The following FAM107A variants were observed in gnomAD, a reference collection of about 807,000 sequenced individuals.
FAM107A encodes actin-associated protein FAM107A.
In FAM107A, 19 loss-of-function variants were observed where a neutral mutation model predicts 13.7. The ratio of observed to expected loss-of-function variants is 1.38; its 90% CI spans 0.97 to 2.03. FAM107A has a LOEUF of 2.03. Among genes scored for constraint, FAM107A ranks in the 30% most tolerant of loss-of-function variants. The pLI, the probability that FAM107A is intolerant of heterozygous loss-of-function variation, is 0.00. For synonymous variants in FAM107A, 82 were observed against 74.5 expected, an observed-to-expected ratio of 1.10 and a Z score of -0.52; for missense variants, 203 against 184.4, an observed-to-expected ratio of 1.10 and a Z score of -0.58.
chr3:58,572,843 C>G (rs1271458345), intron 1 of FAM107A: 1 of 152,218 alleles, frequency 6.6e-6, no homozygotes, highest in African/African-American at 2.4e-5. Context: ...GACGGTCGGA[C>G]TCAGTCACAC....
intron 1 of FAM107A, among the ~76,000 whole-genome samples, chr3:58,583,983 C>G (rs77858808): frequency 6.6e-6 from 1 of 152,294 alleles, no homozygotes; most frequent in East Asian, 1.9e-4. Flanking sequence ...TGAAAAGAGC[C>G]TCTATTTTGG....
chr3:58,577,570 G>A (rs1418783581), upstream of FAM107A: 7 of 985,420 alleles, frequency 7.1e-6, no homozygotes, highest in Non-Finnish European at 8.4e-6. The surrounding 1 kb of genome is among the most constrained non-coding windows in gnomAD (Gnocchi z 4.9). Flanking sequence ...GGAACATCAT[G>A]TCCAAGCCAC....
chr3:58,591,571 C>T (rs2065654743), upstream of FAM107A, among the ~76,000 whole-genome samples: 1 of 152,148 alleles, frequency 6.6e-6, no homozygotes, highest in Admixed American at 6.5e-5. The surrounding 1 kb of genome is among the most constrained non-coding windows in gnomAD (Gnocchi z 4.3). Flanking sequence ...CTCTCAGCTG[C>T]CAGCTTCTGC....
Position 58,613,572 on chromosome 3 carries a change from T to C in FAM107A, c.-70+13844A>G, listed in dbSNP as rs1470644021. Among the ~76,000 whole-genome samples, 4 of 152,226 alleles carry C rather than the reference T, an allele frequency of 2.6e-5. No individual in the cohort carries two copies. Among genetic ancestry groups the C allele is most frequent in the Non-Finnish European group, 5.9e-5 (4 of 68,034 alleles). On this transcript the variant is annotated intron_variant, in intron 1 of 3. Transcript: ENST00000465970. This position sits in a 1 kb window ranked among gnomAD's most constrained non-coding sequence, Gnocchi z 4.6. ...AGCAAGGCCTCTCTCCTCTGGCCTTTGTGTAAGCAGATCTTTCTACCTAGA... is the reference window on the plus strand; with the variant it reads ...AGCAAGGCCTCTCTCCTCTGGCCTTCGTGTAAGCAGATCTTTCTACCTAGA...
chr3:58,568,575 TG>T (rs1229021765), intron 2 of FAM107A, among the ~76,000 whole-genome samples: 1 of 152,228 alleles, frequency 6.6e-6, no homozygotes, highest in Admixed American at 6.5e-5. Flanking sequence ...ATTGTGGTGA[TG>T]TTTTTTGATA....
At chr3:58,626,954 C>T in intron 1 of FAM107A, 1 of 1,535,876 alleles carries the variant, frequency 6.5e-7, no homozygotes, top group Non-Finnish European at 8.7e-7. Flanking sequence ...CCCAACAGGA[C>T]ACTTAGAGGT....
intron 1 of FAM107A, among the ~76,000 whole-genome samples, chr3:58,598,526 C>CT (rs912070597): frequency 2.0e-5 from 3 of 152,222 alleles, no homozygotes; most frequent in South Asian, 2.1e-4. Flanking sequence ...CAGCAGCAAT[C>CT]TTTTTTTCCA....
chr3:58,627,147 T>C (rs1200412160), intron 1 of FAM107A: 1 of 712,652 alleles, frequency 1.4e-6, no homozygotes, highest in Non-Finnish European at 2.4e-6. Flanking sequence ...CAAAGGCGGC[T>C]TTCACAGCTG....
In FAM107A at chr3:58,617,396, C is replaced by T. The variant is rs1457297521; in HGVS notation, c.-70+10020G>A. Among the ~76,000 whole-genome samples the T allele has an allele frequency of 3.3e-5, 5 of 152,134 alleles. No homozygotes were observed. The highest frequency in any genetic ancestry group is 1.2e-4 in the African/African-American group (5 of 41,426). On this transcript the variant is annotated intron_variant, in intron 1 of 3. Transcript: ENST00000465970. The surrounding 1 kb of genome is among the most constrained non-coding windows in gnomAD (Gnocchi z 4.5). ...CATCCCTATGGGACACCTCAGGCCCCGTCCTGAGCTTCCTGAGGAGCCGGA... is the reference window on the plus strand; with the variant it reads ...CATCCCTATGGGACACCTCAGGCCCTGTCCTGAGCTTCCTGAGGAGCCGGA...
At chr3:58,599,063 T>A (rs1257833922) in intron 1 of FAM107A, among the ~76,000 whole-genome samples, 1 of 152,150 alleles carries the variant, frequency 6.6e-6, no homozygotes, top group African/African-American at 2.4e-5. Flanking sequence ...TGCCTCAGCC[T>A]CCCGAGTAGC....
At chr3:58,601,635 G>A (rs1018256456) in intron 1 of FAM107A, among the ~76,000 whole-genome samples, 5 of 152,210 alleles carry the variant, frequency 3.3e-5, no homozygotes, top group Non-Finnish European at 7.3e-5. Flanking sequence ...ATGGGCAAGC[G>A]CACCCACCCA....
At chr3:58,621,202 C>G (rs896437420) in intron 1 of FAM107A, among the ~76,000 whole-genome samples, 1 of 152,106 alleles carries the variant, frequency 6.6e-6, no homozygotes, top group Non-Finnish European at 1.5e-5. Flanking sequence ...CAAATTTTAG[C>G]GCTTGGGAAA....
At chr3:58,585,945 G>A (rs1056450696) in intron 1 of FAM107A, among the ~76,000 whole-genome samples, 6 of 152,282 alleles carry the variant, frequency 3.9e-5, no homozygotes, top group South Asian at 2.1e-4. Flanking sequence ...CTGCAAACAA[G>A]CAAACAAAAA....
chr3:58,595,555 C>T (rs1344248444), intron 1 of FAM107A, among the ~76,000 whole-genome samples: 1 of 143,710 alleles, frequency 7.0e-6, no homozygotes, highest in African/African-American at 2.5e-5. Context: ...TTTTAAGATC[C>T]ACCCCCTGCC....
At chr3:58,579,807 C>T (rs991019640), upstream of FAM107A, among the ~76,000 whole-genome samples, 20 of 152,178 alleles carry the variant, frequency 1.3e-4, no homozygotes, top group African/African-American at 3.6e-4. Flanking sequence ...CAGTAGTCCT[C>T]GGATGTTGGG....
chr3:58,583,482 C>T (rs1468214562), intron 1 of FAM107A, among the ~76,000 whole-genome samples: 6 of 151,948 alleles, frequency 3.9e-5, no homozygotes, highest in South Asian at 2.1e-4. Context: ...ATTAGCCGGG[C>T]GTGGTGGCGG....
chr3:58,600,009 G>A (rs912295839), intron 1 of FAM107A, among the ~76,000 whole-genome samples: 2 of 151,870 alleles, frequency 1.3e-5, no homozygotes, highest in South Asian at 2.1e-4. Context: ...GTTATTCTTC[G>A]GCAAAAAGTT....
upstream of FAM107A, among the ~76,000 whole-genome samples, chr3:58,582,139 A>G (rs538577299): frequency 6.6e-6 from 1 of 152,398 alleles, no homozygotes; most frequent in Non-Finnish European, 1.5e-5. Flanking sequence ...GATGTACCAA[A>G]TAAAAATGTC....
At chr3:58,587,106 C>A in exon 1 of FAM107A, 3 of 1,366,426 alleles carry the variant, frequency 2.2e-6, no homozygotes, top group Non-Finnish European at 1.9e-6. Flanking sequence ...GAGACGCCGC[C>A]GGGGGAAGGA....
Sources: gnomAD v4.1 joint callset for allele counts (sites outside exome capture counted in the v4.1 genomes callset) on GRCh38, gnomAD v4.1.1 for gene constraint, Gnocchi (gnomAD v3.1) non-coding constraint, MANE v1.5 for transcripts, NCBI Gene and HGNC (gene_info 2026-07-23, HGNC 2026-07-21) for gene names.